The following SPOCK1 variants were observed in gnomAD, a reference collection of about 807,000 sequenced individuals.
SPOCK1 encodes the protein SPARC (osteonectin), cwcv and kazal like domains proteoglycan 1.
Under a neutral mutation model 55.3 loss-of-function variants are expected in SPOCK1, and 23 were observed. The ratio of observed to expected loss-of-function variants is 0.42; its 90% CI spans 0.30 to 0.59. The LOEUF (loss-of-function observed/expected upper bound fraction) is 0.59. SPOCK1 is among the 20% of genes least tolerant of loss of function. SPOCK1 has a pLI of 0.22. For missense variants in SPOCK1, 499 were observed against 552.5 expected (o/e 0.90, Z 0.97); for synonymous variants, 226 against 221.0 (o/e 1.02, Z -0.20).
chr5:137,478,878 G>A (rs1377486443), intron 2 of SPOCK1, among the ~76,000 whole-genome samples: 1 of 152,000 alleles, frequency 6.6e-6, no homozygotes, highest in African/African-American at 2.4e-5. Context: ...CAGGCAACAA[G>A]CTTTCAGATG....
At chr5:137,178,988 G>A (rs904911195) in intron 3 of SPOCK1, among the ~76,000 whole-genome samples, 2 of 152,234 alleles carry the variant, frequency 1.3e-5, no homozygotes, top group Non-Finnish European at 2.9e-5. Context: ...ACAATGGTGT[G>A]TTGGGTAGGG....
At chr5:137,125,798 G>A (rs1334869951) in intron 4 of SPOCK1, among the ~76,000 whole-genome samples, 2 of 152,190 alleles carry the variant, frequency 1.3e-5, no homozygotes, top group African/African-American at 4.8e-5. Context: ...TGTAAAAGCA[G>A]CTTTGAAACA....
At chr5:137,384,700 T>C (rs1751563246) in intron 2 of SPOCK1, among the ~76,000 whole-genome samples, 1 of 151,928 alleles carries the variant, frequency 6.6e-6, no homozygotes, top group Non-Finnish European at 1.5e-5. Flanking sequence ...GCACCTGACA[T>C]TCCTTGGTTG....
At chr5:137,378,478 G>T (rs1751378815) in intron 2 of SPOCK1, among the ~76,000 whole-genome samples, 1 of 152,250 alleles carries the variant, frequency 6.6e-6, no homozygotes, top group African/African-American at 2.4e-5. Flanking sequence ...TGAGCTAAAT[G>T]GCGGTAACTT....
At chr5:137,440,805 T>A (rs1466285917) in intron 2 of SPOCK1, among the ~76,000 whole-genome samples, 3 of 152,226 alleles carry the variant, frequency 2.0e-5, no homozygotes, top group African/African-American at 7.2e-5. Flanking sequence ...CAAAAGCAAG[T>A]TCCAGAAAAA....
At chr5:137,011,553 C>A (rs938645232) in intron 6 of SPOCK1, among the ~76,000 whole-genome samples, 1 of 152,168 alleles carries the variant, frequency 6.6e-6, no homozygotes, top group Admixed American at 6.5e-5. Context: ...CTTGTGTTCA[C>A]AAAGGATTGC....
At chr5:136,995,685 G>A (rs1751027674) in intron 6 of SPOCK1, among the ~76,000 whole-genome samples, 1 of 152,204 alleles carries the variant, frequency 6.6e-6, no homozygotes, top group South Asian at 2.1e-4. Flanking sequence ...AGATGAATTA[G>A]TCAGTCGTGT....
At chr5:137,238,253 T>C (rs1756218559) in intron 3 of SPOCK1, among the ~76,000 whole-genome samples, 1 of 152,212 alleles carries the variant, frequency 6.6e-6, no homozygotes, top group African/African-American at 2.4e-5. Flanking sequence ...TGTTAACAAA[T>C]TATTTTGCAT....
At chr5:137,102,864 G>A (rs983375617) in intron 5 of SPOCK1, among the ~76,000 whole-genome samples, 1 of 152,154 alleles carries the variant, frequency 6.6e-6, no homozygotes, top group Non-Finnish European at 1.5e-5. Context: ...TTAGCACAAT[G>A]TGATAGTGCT....
At chr5:137,125,327 G>T (rs889747658) in intron 4 of SPOCK1, among the ~76,000 whole-genome samples, 1 of 152,204 alleles carries the variant, frequency 6.6e-6, no homozygotes, top group Non-Finnish European at 1.5e-5. Context: ...CATTGCAAGT[G>T]AGTGGTAAGA....
intron 6 of SPOCK1, among the ~76,000 whole-genome samples, chr5:137,053,558 G>T (rs543359867): frequency 4.9e-4 from 74 of 151,686 alleles, no homozygotes; most frequent in East Asian, 1.2e-3. Context: ...TGTGACACAA[G>T]AAATCAGAAG....
At chr5:137,413,834 C>T (rs1399885553) in intron 2 of SPOCK1, among the ~76,000 whole-genome samples, 2 of 152,172 alleles carry the variant, frequency 1.3e-5, no homozygotes, top group African/African-American at 4.8e-5. Flanking sequence ...CCTACCTGTT[C>T]CCATCAACAA....
At chr5:137,182,319 C>T (rs1754984893) in intron 3 of SPOCK1, among the ~76,000 whole-genome samples, 2 of 152,166 alleles carry the variant, frequency 1.3e-5, no homozygotes, top group Non-Finnish European at 2.9e-5. Context: ...CTGCAGTGCC[C>T]TCCATCTGAA....
At chr5:137,126,249 C>T (rs1753780688) in intron 4 of SPOCK1, among the ~76,000 whole-genome samples, 2 of 152,212 alleles carry the variant, frequency 1.3e-5, no homozygotes, top group Non-Finnish European at 2.9e-5. Flanking sequence ...GATGCTGCTC[C>T]TCTTTGCCTT....
intron 2 of SPOCK1, among the ~76,000 whole-genome samples, chr5:137,301,309 G>T (rs1757584196): frequency 1.3e-5 from 2 of 152,162 alleles, no homozygotes; most frequent in South Asian, 4.1e-4. Flanking sequence ...GGACCTATTT[G>T]TCACTGATAT....
intron 6 of SPOCK1, among the ~76,000 whole-genome samples, chr5:136,995,030 AATAG>A (rs1429188110): frequency 7.2e-5 from 11 of 152,104 alleles, no homozygotes; most frequent in Admixed American, 4.6e-4. Flanking sequence ...TAAAAAATCT[AATAG>A]ATAGTTCCTC....
At chr5:137,077,296 C>T (rs1752788449) in intron 5 of SPOCK1, among the ~76,000 whole-genome samples, 1 of 152,198 alleles carries the variant, frequency 6.6e-6, no homozygotes, top group South Asian at 2.1e-4. Context: ...GACTCACAGA[C>T]TTCTACAACA....
intron 3 of SPOCK1, among the ~76,000 whole-genome samples, chr5:137,231,995 A>G (rs1756073286): frequency 6.6e-6 from 1 of 152,174 alleles, no homozygotes; most frequent in Non-Finnish European, 1.5e-5. Flanking sequence ...TGCCATCTGT[A>G]TATATTCTCC....
At chr5:137,348,117 G>C (rs1031747446) in intron 2 of SPOCK1, among the ~76,000 whole-genome samples, 1 of 152,142 alleles carries the variant, frequency 6.6e-6, no homozygotes, top group Non-Finnish European at 1.5e-5. Flanking sequence ...CTTGTTCACC[G>C]AGTATCCCTA....
Sources: allele counts gnomAD v4.1 joint callset (sites outside exome capture counted in the v4.1 genomes callset), GRCh38; gene constraint gnomAD v4.1.1; transcripts MANE v1.5; gene names NCBI Gene and HGNC (gene_info 2026-07-23, HGNC 2026-07-21).